MMP26: variants seen among roughly 807,000 people sequenced by gnomAD.
MMP26 encodes matrix metallopeptidase 26, also known as matrix metalloproteinase-26.
MMP26 carries 33 observed loss-of-function variants against 31.0 expected under a neutral mutation model. The ratio of observed to expected loss-of-function variants is 1.06; its 90% confidence interval spans 0.81 to 1.42. The LOEUF is 1.42. MMP26 is among the 40% of genes most tolerant of loss of function. The probability of loss-of-function intolerance (pLI) is 0.00; values close to 1 mark genes in which losing one functional copy is unlikely to be tolerated. For missense variants in MMP26, 347 were observed against 316.1 expected, an observed-to-expected ratio of 1.10 and a Z score of -0.74; for synonymous variants, 122 against 114.9, an observed-to-expected ratio of 1.06 and a Z score of -0.40.
At chr11:4,762,796 G>A (rs1481830878) in intron 1 of MMP26, among the ~76,000 whole-genome samples, 1 of 152,134 alleles carries the variant, frequency 6.6e-6, no homozygotes, top group Non-Finnish European at 1.5e-5. Context: ...TTTCTTTGCC[G>A]AGAGTAAAGT....
In MMP26 at chr11:4,950,505, A is replaced by G. The variant is rs904819454; in HGVS notation, c.-144-37563A>G. ...GAACTCATAGAAACAAAGTAGCATG[A>G]TGAATACTAGATGATGGGGATGGGG... On this transcript the variant is annotated intron_variant, in intron 2 of 7. Coordinates refer to ENST00000380390, the MANE Select transcript of MMP26 (RefSeq NM_021801.5). 6.6e-5 allele frequency among the ~76,000 whole-genome samples: 8 copies of G among 120,550 alleles called. 3 individuals carry two copies. The highest frequency in any genetic ancestry group is 2.9e-4 in the Admixed American group (3 of 10,480). 79.1% of individuals were successfully genotyped at this position (120,550 alleles called of 152,430 possible).
At chr11:4,848,979 GAC>G (rs988307528) in intron 2 of MMP26, 1 of 1,614,052 alleles carries the variant, frequency 6.2e-7, no homozygotes, top group African/African-American at 1.3e-5. Flanking sequence ...TCCAATATCA[GAC>G]ACACTAAGCA....
chr11:4,821,493 C>T (rs751002866), intron 2 of MMP26: 34 of 1,611,812 alleles, frequency 2.1e-5, no homozygotes, highest in Non-Finnish European at 2.8e-5. Context: ...GCCTGAAAGC[C>T]ACCCAGTACT....
At chr11:4,940,187 A>G (rs1375679157) in intron 2 of MMP26, among the ~76,000 whole-genome samples, 1 of 152,094 alleles carries the variant, frequency 6.6e-6, no homozygotes, top group Non-Finnish European at 1.5e-5. Flanking sequence ...ATAAAACAAC[A>G]CAAAATCTTA....
intron 2 of MMP26, among the ~76,000 whole-genome samples, chr11:4,910,996 C>A (rs1444585152): frequency 6.6e-6 from 1 of 152,176 alleles, no homozygotes; most frequent in African/African-American, 2.4e-5. Context: ...AAAGTAAAAA[C>A]TGTAATGTCT....
At chr11:4,722,939 G>A in intron 1 of MMP26, 1 of 785,150 alleles carries the variant, frequency 1.3e-6, no homozygotes, top group South Asian at 1.3e-5. Flanking sequence ...ATAGACACTG[G>A]TGGTCTTTGT....
At chr11:4,836,966 A>G (rs1313568063) in intron 2 of MMP26, among the ~76,000 whole-genome samples, 1 of 151,878 alleles carries the variant, frequency 6.6e-6, no homozygotes, top group Non-Finnish European at 1.5e-5. Context: ...CCTCTTTTTT[A>G]GAGCAATATA....
chr11:4,943,397 C>T (rs2595993), intron 2 of MMP26: 1 of 433,960 alleles, frequency 2.3e-6, no homozygotes, highest in Non-Finnish European at 4.6e-6. Flanking sequence ...TATCAGATTG[C>T]CCCTAGGTGC....
At chr11:4,857,014 T>TTGAAACCA (rs1192717428) in intron 2 of MMP26, among the ~76,000 whole-genome samples, 1 of 152,186 alleles carries the variant, frequency 6.6e-6, no homozygotes, top group East Asian at 1.9e-4. Context: ...AAGATGTTCT[T>TTGAAACCA]TGAAACCAGT....
intron 2 of MMP26, among the ~76,000 whole-genome samples, chr11:4,870,687 T>C (rs2133525743): frequency 1.3e-5 from 2 of 152,226 alleles, no homozygotes; most frequent in East Asian, 3.9e-4. Context: ...AATTGTGGTG[T>C]GGTTAGTGAT....
intron 2 of MMP26, among the ~76,000 whole-genome samples, chr11:4,902,015 C>A (rs901252240): frequency 4.6e-5 from 7 of 152,186 alleles, no homozygotes; most frequent in Non-Finnish European, 1.0e-4. Context: ...CTGCACCTGA[C>A]ATAAAACTTT....
rs568650916 is a variant in MMP26, at chr11:4,869,550, T to C, written c.-145+102209T>C. The stretch of plus-strand genomic sequence containing the variant: ...CTCACACCAGTTAGAATGGCGATCA[T>C]GAAAAAGTCAGGAAACAACAGGTGC... On this transcript the variant is annotated intron_variant, in intron 2 of 7. Coordinates refer to ENST00000380390, the MANE Select transcript of MMP26 (RefSeq NM_021801.5). 9.2e-5 allele frequency among the ~76,000 whole-genome samples: 14 copies of C among 152,236 alleles called. No individual in the cohort carries two copies. In the South Asian group the frequency reaches 2.9e-3, roughly 32 times the overall value.
chr11:4,717,711 C>T (rs957767931), intron 1 of MMP26, among the ~76,000 whole-genome samples: 7 of 152,158 alleles, frequency 4.6e-5, no homozygotes, highest in African/African-American at 9.6e-5. Flanking sequence ...TTTTCACATA[C>T]GTTAATCTTC....
chr11:4,858,100 C>G (rs947851757), intron 2 of MMP26, among the ~76,000 whole-genome samples: 1 of 152,096 alleles, frequency 6.6e-6, no homozygotes, highest in Non-Finnish European at 1.5e-5. Flanking sequence ...CTATTTATGA[C>G]AGACCCAGAG....
intron 2 of MMP26, among the ~76,000 whole-genome samples, chr11:4,872,847 C>T (rs555134550): frequency 7.2e-5 from 11 of 152,036 alleles, no homozygotes; most frequent in Non-Finnish European, 1.3e-4. Context: ...TTAGGGTCAA[C>T]TCTTTCCATG....
intron 2 of MMP26, chr11:4,769,875 A>G: frequency 6.2e-7 from 1 of 1,613,038 alleles, no homozygotes; most frequent in Non-Finnish European, 8.5e-7. Flanking sequence ...CCGGTCAACA[A>G]GAAGGTTGGA....
intron 1 of MMP26, among the ~76,000 whole-genome samples, chr11:4,741,275 C>T (rs1589888256): frequency 6.6e-6 from 1 of 151,280 alleles, no homozygotes; most frequent in South Asian, 2.1e-4. Flanking sequence ...CCAGCAATAT[C>T]ATTTGACCCA....
At chr11:4,988,554 GC>G (rs1564820320) in intron 3 of MMP26, among the ~76,000 whole-genome samples, 3 of 151,994 alleles carry the variant, frequency 2.0e-5, no homozygotes, top group Non-Finnish European at 4.4e-5. Context: ...GCCTAATTCA[GC>G]CCCATTGCTC....
intron 5 of MMP26, 27 bp from the exon 6 acceptor site, chr11:4,991,344 T>A (rs781478341): frequency 4.1e-5 from 65 of 1,604,716 alleles, no homozygotes; most frequent in Non-Finnish European, 4.9e-5. Context: ...CCACCCTCAT[T>A]GTGATCATAG....
Sources: allele counts gnomAD v4.1 joint callset (sites outside exome capture counted in the v4.1 genomes callset), GRCh38; gene constraint gnomAD v4.1.1; transcripts MANE v1.5; gene names NCBI Gene and HGNC (gene_info 2026-07-23, HGNC 2026-07-21).